NCF2: variants seen among roughly 807,000 people sequenced by gnomAD.
The protein encoded by NCF2 is neutrophil cytosol factor 2.
In NCF2, 45 loss-of-function variants were observed where a neutral mutation model predicts 70.9. That is an observed-to-expected ratio of 0.63 (90% CI 0.50 to 0.81). NCF2 has a LOEUF of 0.81. Among genes scored for constraint, NCF2 ranks in the 40% least tolerant of loss-of-function variants. The pLI, the probability that NCF2 is intolerant of heterozygous loss-of-function variation, is 0.00. For missense variants in NCF2, 522 were observed against 631.6 expected (o/e 0.83, Z 1.86); for synonymous variants, 203 against 233.6 (o/e 0.87, Z 1.19).
At chr1:183,570,662 GGGCCAC>G in intron 6 of NCF2, 112 bp downstream of exon 6, 7 of 1,029,306 alleles carry the variant, frequency 6.8e-6, no homozygotes, top group Non-Finnish European at 1.1e-5. Context: ...GCTGCACTGA[GGGCCAC>G]TTGAAGGAGC....
upstream of NCF2, among the ~76,000 whole-genome samples, chr1:183,592,398 G>A (rs988124195): frequency 6.6e-6 from 1 of 152,176 alleles, no homozygotes; most frequent in African/African-American, 2.4e-5. Flanking sequence ...CTGGGTAGTA[G>A]GAGAATTTTC....
the NCF2 span, among the ~76,000 whole-genome samples, chr1:183,599,261 G>A: frequency 6.6e-6 from 1 of 152,082 alleles, no homozygotes; most frequent in Non-Finnish European, 1.5e-5. Flanking sequence ...AGCACCTGTA[G>A]TCCTATCTAA....
At chr1:183,576,103 C>T (rs13374239) in intron 3 of NCF2, among the ~76,000 whole-genome samples, 1,772 of 152,244 alleles carry the variant, frequency 0.012, 26 homozygotes, top group African/African-American at 0.04. Flanking sequence ...AACCTTGACA[C>T]TCTTCAAAAA....
At position 183,563,691 on chromosome 1, in the gene NCF2, C is replaced by T. The variant is rs1672181347; in HGVS notation, c.1027-106G>A. 9 of 1,398,338 alleles carry T rather than the reference C, an allele frequency of 6.4e-6. No individual in the cohort carries two copies. In the East Asian group the frequency reaches 1.8e-4, roughly 28 times the overall value. 86.6% of individuals were successfully genotyped at this position (1,398,338 alleles called of 1,614,324 possible). A position where few individuals can be genotyped will look rare whatever the true frequency, so the allele number is the denominator to read the frequency against. On this transcript the variant is annotated intron_variant, in intron 11 of 14. Coordinates refer to ENST00000367535, the MANE Select transcript of NCF2 (RefSeq NM_000433.4). ...TTGGCACAGGGGGTACCCAATACAGCAGGGGAGAGGCCAGTAAGTAACTGG... is the reference window on the plus strand; with the variant it reads ...TTGGCACAGGGGGTACCCAATACAGTAGGGGAGAGGCCAGTAAGTAACTGG...
chr1:183,601,706 A>G, the NCF2 span, among the ~76,000 whole-genome samples: 5 of 152,038 alleles, frequency 3.3e-5, no homozygotes, highest in African/African-American at 1.2e-4. Flanking sequence ...AAATACAAAA[A>G]AATTAGCTGG....
At chr1:183,561,488 A>G (rs1231008769) in intron 13 of NCF2, among the ~76,000 whole-genome samples, 3 of 152,218 alleles carry the variant, frequency 2.0e-5, no homozygotes, top group Non-Finnish European at 4.4e-5. Context: ...GATGACATAC[A>G]ATAATAGTAG....
chr1:183,580,858 A>G (rs1484598064), intron 2 of NCF2, among the ~76,000 whole-genome samples: 1 of 152,014 alleles, frequency 6.6e-6, no homozygotes, highest in Non-Finnish European at 1.5e-5. Context: ...GCGTGCCTAT[A>G]GTTCCAGCTA....
At chr1:183,559,657 G>A (rs1372128583) in intron 14 of NCF2, among the ~76,000 whole-genome samples, 1 of 152,152 alleles carries the variant, frequency 6.6e-6, no homozygotes, top group African/African-American at 2.4e-5. Flanking sequence ...CCAGGAGTTT[G>A]AGACCAGCCT....
chr1:183,581,706 T>C (rs1039625786), intron 2 of NCF2, among the ~76,000 whole-genome samples: 1 of 151,738 alleles, frequency 6.6e-6, no homozygotes, highest in Non-Finnish European at 1.5e-5. Context: ...TCTCGCTCTG[T>C]TGCCCTGGCT....
chr1:183,570,457 TTG>T (rs1229160307), intron 6 of NCF2, among the ~76,000 whole-genome samples: 1 of 152,244 alleles, frequency 6.6e-6, no homozygotes, highest in Non-Finnish European at 1.5e-5. Context: ...CTTCCATAGC[TTG>T]TGTTTCAGCT....
At chr1:183,597,796 C>A in the NCF2 span, 1 of 152,238 alleles carries the variant, frequency 6.6e-6, no homozygotes, top group Non-Finnish European at 1.5e-5. Context: ...TCTGGACATA[C>A]AATAACTATT....
At chr1:183,580,840 G>T (rs1045532720) in intron 2 of NCF2, among the ~76,000 whole-genome samples, 2 of 151,992 alleles carry the variant, frequency 1.3e-5, no homozygotes, top group Admixed American at 1.3e-4. Flanking sequence ...TTAGCCGGGC[G>T]TGGTGGTGCG....
In NCF2 at chr1:183,586,982, G is replaced by A; in HGVS notation, c.175-5C>T. 6.2e-7 allele frequency: 1 copy of A among 1,613,340 alleles called. No homozygotes were observed. Among genetic ancestry groups the A allele is most frequent in the Non-Finnish European group, 8.5e-7 (1 of 1,179,342 alleles). Reference sequence around the variant, plus strand: ...GTTAATGCTTCTGGTAAAGGCCTGAGGAGAGAAGGGTCCAGACATGGCCAT... The same window carrying A: ...GTTAATGCTTCTGGTAAAGGCCTGAAGAGAGAAGGGTCCAGACATGGCCAT... On this transcript the variant is annotated splice_region_variant and splice_polypyrimidine_tract_variant and intron_variant, in intron 1 of 14. Coordinates refer to ENST00000367535, the MANE Select transcript of NCF2 (RefSeq NM_000433.4).
At chr1:183,577,056 A>G (rs1672829090) in intron 3 of NCF2, among the ~76,000 whole-genome samples, 2 of 152,324 alleles carry the variant, frequency 1.3e-5, no homozygotes, top group Non-Finnish European at 2.9e-5. Flanking sequence ...TCTTTGAGCA[A>G]GAGGGGACAG....
At chr1:183,560,309 T>C in intron 13 of NCF2, 36 bp from the exon 14 acceptor site, 1 of 1,610,456 alleles carries the variant, frequency 6.2e-7, no homozygotes, top group South Asian at 1.1e-5. Context: ...TTTCCCAATT[T>C]CCTGCCAAGT....
chr1:183,593,795 G>C (rs1055395310), upstream of NCF2, among the ~76,000 whole-genome samples: 4 of 152,186 alleles, frequency 2.6e-5, no homozygotes, highest in Non-Finnish European at 5.9e-5. Context: ...TTCAGCCACT[G>C]TCCATTCGCC....
At chr1:183,581,308 A>C (rs866463920) in intron 2 of NCF2, among the ~76,000 whole-genome samples, 2,030 of 144,442 alleles carry the variant, frequency 0.014, 54 homozygotes, top group African/African-American at 0.052. Flanking sequence ...GAAAGAAAGA[A>C]AGAAAGAAAA....
At chr1:183,583,663 G>A (rs1673213578) in intron 2 of NCF2, among the ~76,000 whole-genome samples, 1 of 152,182 alleles carries the variant, frequency 6.6e-6, no homozygotes, top group Non-Finnish European at 1.5e-5. Context: ...TATACAGGAA[G>A]CAAATATCTG....
At chr1:183,581,958 C>T (rs1673134972) in intron 2 of NCF2, among the ~76,000 whole-genome samples, 1 of 152,188 alleles carries the variant, frequency 6.6e-6, no homozygotes, top group Non-Finnish European at 1.5e-5. Flanking sequence ...TGAGCCACCT[C>T]GCCTCGCCAA....
Sources: allele counts gnomAD v4.1 joint callset (sites outside exome capture counted in the v4.1 genomes callset), GRCh38; gene constraint gnomAD v4.1.1; transcripts MANE v1.5; gene names NCBI Gene and HGNC (gene_info 2026-07-23, HGNC 2026-07-21).